The following CGRRF1 variants were observed in gnomAD, a reference collection of about 807,000 sequenced individuals.
CGRRF1 encodes the protein cell growth regulator with ring finger domain 1, also known as cell growth regulator with RING finger domain protein 1.
A neutral mutation model predicts 37.2 loss-of-function variants in CGRRF1; 32 were observed. The ratio of observed to expected loss-of-function variants is 0.86; its 90% CI spans 0.65 to 1.16. The LOEUF (loss-of-function observed/expected upper bound fraction) is 1.16. Among genes scored for constraint, CGRRF1 ranks in the 50% most tolerant of loss-of-function variants. The pLI, the probability that CGRRF1 is intolerant of heterozygous loss-of-function variation, is 0.00. For missense variants in CGRRF1, 391 were observed against 382.6 expected (o/e 1.02, Z -0.18); for synonymous variants, 141 against 140.3 (o/e 1.00, Z -0.04).
intron 1 of CGRRF1, 68 bp downstream of exon 1, chr14:54,510,131 G>T: frequency 8.1e-7 from 1 of 1,237,784 alleles, no homozygotes; most frequent in Admixed American, 1.8e-5. Context: ...CGAGCAGCAG[G>T]GGGCACCGGA....
Position 54,537,796 on chromosome 14 carries a change from A to G in CGRRF1, c.645A>G (p.Leu215=), listed in dbSNP as rs1455064376. The part of the protein sequence containing the change: ...KLSCRILYQY[L]LLAQGQFHDL... ...CCTGCAGAATATTGTATCAATATTTACTCTTGGCTCAAGGTCAATTTCATG... is the reference window on the plus strand; with the variant it reads ...CCTGCAGAATATTGTATCAATATTTGCTCTTGGCTCAAGGTCAATTTCATG... Residue 215 remains leucine (L), a synonymous_variant, in exon 5 of 6, where the codon TTA becomes TTG. Coordinates refer to ENST00000216420, the MANE Select transcript of CGRRF1 (RefSeq NM_006568.3). The G allele has an allele frequency of 1.2e-6, 2 of 1,602,420 alleles. No individual in the cohort carries two copies. Among genetic ancestry groups the G allele is most frequent in the Non-Finnish European group, 1.7e-6 (2 of 1,176,986 alleles).
At chr14:54,516,686 C>T (rs1566507148) in intron 1 of CGRRF1, among the ~76,000 whole-genome samples, 1 of 152,124 alleles carries the variant, frequency 6.6e-6, no homozygotes, top group East Asian at 1.9e-4. Context: ...ATTCTTGGGT[C>T]TGTAGGTTTT....
At chr14:54,532,818 T>G (rs926795504) in intron 4 of CGRRF1, among the ~76,000 whole-genome samples, 24 of 152,112 alleles carry the variant, frequency 1.6e-4, no homozygotes, top group Admixed American at 1.6e-3. Flanking sequence ...GCCTTCTGGC[T>G]TCCTCCCTCC....
Position 54,538,274 on chromosome 14 carries a change from G to A in CGRRF1, c.890G>A (p.Gly297Asp). 6.2e-7 allele frequency: 1 copy of A among 1,614,066 alleles called. No homozygotes were observed. The highest frequency in any genetic ancestry group is 8.5e-7 in the Non-Finnish European group (1 of 1,179,904). Residue 297 changes from glycine to aspartate, a missense_variant, in exon 6 of 6, where the codon GGC (glycine) becomes GAC (aspartate). By Grantham distance (94) the Gly-to-Asp change is moderately conservative. Transcript: ENST00000216420. ...LPCRHTCLCDGCVKYFQQCPM... is the reference protein window; with the variant it reads ...LPCRHTCLCDDCVKYFQQCPM... ...TGCAGACACACATGCCTGTGTGATG[G>A]CTGTGTGAAGTATTTTCAGCAGTGC...
At chr14:54,529,142 G>A (rs1171707915) in intron 2 of CGRRF1, among the ~76,000 whole-genome samples, 2 of 152,078 alleles carry the variant, frequency 1.3e-5, no homozygotes, top group Admixed American at 6.6e-5. Context: ...CCAAAACCAG[G>A]CCCTTTTTAT....
At chr14:54,522,421 T>A (rs1346658734) in intron 1 of CGRRF1, 33 bp from the exon 2 acceptor site, 2 of 1,404,370 alleles carry the variant, frequency 1.4e-6, no homozygotes. Context: ...CAACATTTGT[T>A]AAAATAATAT....
Position 54,520,323 on chromosome 14 carries a change from C to T in CGRRF1, c.105-2131C>T, listed in dbSNP as rs147680872. On this transcript the variant is annotated intron_variant, in intron 1 of 5. Coordinates refer to ENST00000216420, the MANE Select transcript of CGRRF1 (RefSeq NM_006568.3). ...TGTGTGTGTGTATTTTTAGTAGAGA[C>T]GGGATTTCACTGTGTTAATCAGGAC... is the stretch of plus-strand genomic sequence containing the variant. Among the ~76,000 whole-genome samples, 871 of 151,962 alleles carry T rather than the reference C, an allele frequency of 5.7e-3. 4 individuals carry two copies. Among genetic ancestry groups the T allele is most frequent in the Middle Eastern group, 0.017 (5 of 294 alleles).
Position 54,537,784 on chromosome 14 carries a change from G to T in CGRRF1, c.633G>T (p.Leu211Phe), listed in dbSNP as rs528088515. 2.5e-6 allele frequency: 4 copies of T among 1,601,252 alleles called. No homozygotes were observed. In the African/African-American group the frequency reaches 4.0e-5, roughly 16 times the overall value. The part of the protein sequence containing the change: ...DRTYKLSCRI[L>F]YQYLLLAQGQ... ...CTTATAAACTATCCTGCAGAATATT[G>T]TATCAATATTTACTCTTGGCTCAAG... Residue 211 changes from leucine to phenylalanine, a missense_variant, in exon 5 of 6, where the codon TTG becomes TTT. Coordinates refer to ENST00000216420, the MANE Select transcript of CGRRF1 (RefSeq NM_006568.3).
chr14:54,512,541 A>G (rs1381564100), intron 1 of CGRRF1, among the ~76,000 whole-genome samples: 1 of 151,740 alleles, frequency 6.6e-6, no homozygotes, highest in African/African-American at 2.4e-5. Flanking sequence ...ACTTCATACC[A>G]CCCTCTGCTT....
In CGRRF1 at chr14:54,530,063, A is replaced by T. The variant is rs1312767116; in HGVS notation, c.259A>T (p.Thr87Ser). The T allele has an allele frequency of 6.2e-7, 1 of 1,609,876 alleles. No individual in the cohort carries two copies. The highest frequency in any genetic ancestry group is 2.2e-5 in the East Asian group (1 of 44,734). Reference protein sequence around the residue: ...SASITTGITLTTDCLEDSLLT... With the variant: ...SASITTGITLSTDCLEDSLLT... Reference sequence around the variant, plus strand: ...GTTTTTTACAGCTGGCATAACCTTGACAACAGATTGCCTTGAAGATAGCCT... The same window carrying T: ...GTTTTTTACAGCTGGCATAACCTTGTCAACAGATTGCCTTGAAGATAGCCT... Residue 87 changes from threonine to serine, a missense_variant, in exon 3 of 6, where the codon ACA becomes TCA. Physicochemically the swap from Thr to Ser is moderately conservative, Grantham distance 58. Transcript: ENST00000216420.
At position 54,538,412 on chromosome 14, in the gene CGRRF1, T is replaced by G. The variant is rs1239248017; in HGVS notation, c.*29T>G. The G allele has an allele frequency of 1.3e-6, 2 of 1,493,882 alleles. No individual in the cohort carries two copies. The highest frequency in any genetic ancestry group is 9.2e-7 in the Non-Finnish European group (1 of 1,089,652). 92.5% of individuals were successfully genotyped at this position (1,493,882 alleles called of 1,614,324 possible). A position where few individuals can be genotyped will look rare whatever the true frequency, so the allele number is the denominator to read the frequency against. ...CATCGTAACACTGAAAAGTACACTT[T>G]CTACTAAAGATGCAGAAATTGATGA... On this transcript the variant is annotated 3_prime_UTR_variant, in exon 6 of 6. Transcript: ENST00000216420.
At chr14:54,528,321 G>A (rs1170756272) in intron 2 of CGRRF1, among the ~76,000 whole-genome samples, 6 of 149,216 alleles carry the variant, frequency 4.0e-5, no homozygotes, top group Non-Finnish European at 5.9e-5. Flanking sequence ...ACTTTTAATA[G>A]CTTCTTAGTA....
At chr14:54,521,286 C>T (rs2032311404) in intron 1 of CGRRF1, among the ~76,000 whole-genome samples, 1 of 151,512 alleles carries the variant, frequency 6.6e-6, no homozygotes, top group Non-Finnish European at 1.5e-5. Flanking sequence ...TATGGTGAAA[C>T]CCCGTCTCTA....
intron 2 of CGRRF1, among the ~76,000 whole-genome samples, chr14:54,524,788 C>G (rs1243406121): frequency 6.6e-6 from 1 of 152,268 alleles, no homozygotes; most frequent in Middle Eastern, 3.4e-3. Context: ...CTCCCCTCCC[C>G]GCTCCTTCCC....
chr14:54,530,396 A>G, intron 3 of CGRRF1, 170 bp downstream of exon 3: 1 of 902,156 alleles, frequency 1.1e-6, no homozygotes, highest in South Asian at 1.9e-5. Context: ...CTCTATCAGG[A>G]ACAGTATTTG....
chr14:54,538,763 A>G lies in CGRRF1; in HGVS notation c.*380A>G, dbSNP rs2032643967. ...CTTTGATGTAATCGGAGTGCAATTA[A>G]GAAAAAACTTAATTCTACTTAAAGT... On this transcript the variant is annotated 3_prime_UTR_variant, in exon 6 of 6. Coordinates refer to ENST00000216420, the MANE Select transcript of CGRRF1 (RefSeq NM_006568.3). 4 of 161,330 alleles carry G rather than the reference A, an allele frequency of 2.5e-5. No individual in the cohort carries two copies. Among genetic ancestry groups the G allele is most frequent in the Admixed American group, 2.4e-4 (4 of 17,012 alleles). 10.0% of individuals were successfully genotyped at this position (161,330 alleles called of 1,614,324 possible). A position where few individuals can be genotyped will look rare whatever the true frequency, so the allele number is the denominator to read the frequency against.
intron 1 of CGRRF1, among the ~76,000 whole-genome samples, chr14:54,513,801 A>G (rs1044302320): frequency 6.6e-6 from 1 of 152,150 alleles, no homozygotes; most frequent in Non-Finnish European, 1.5e-5. Context: ...CTCGGTCTCT[A>G]CAAAAAATAG....
intron 1 of CGRRF1, 192 bp downstream of exon 1, chr14:54,510,255 G>C: frequency 1.7e-6 from 1 of 590,444 alleles, no homozygotes; most frequent in East Asian, 2.9e-5. Flanking sequence ...TCACTGCCCT[G>C]CATCACCGTT....
Position 54,521,803 on chromosome 14 carries a change from G to A in CGRRF1, c.105-651G>A, listed in dbSNP as rs552973944. ...ATTACAGGCATGAGCCACCACACCC[G>A]GCCAATAGTCTGCCTCTTGAATATA... On this transcript the variant is annotated intron_variant, in intron 1 of 5. Coordinates refer to ENST00000216420, the MANE Select transcript of CGRRF1 (RefSeq NM_006568.3). Among the ~76,000 whole-genome samples the A allele has an allele frequency of 2.1e-3, 314 of 152,010 alleles. 3 individuals are homozygous for A. In the Middle Eastern group the frequency reaches 0.027, roughly 13 times the overall value.
Sources: allele counts gnomAD v4.1 joint callset (sites outside exome capture counted in the v4.1 genomes callset), GRCh38; gene constraint gnomAD v4.1.1; transcripts MANE v1.5; gene names NCBI Gene and HGNC (gene_info 2026-07-23, HGNC 2026-07-21).